TNFRSF21: variants seen among roughly 807,000 people sequenced by gnomAD.
TNFRSF21 encodes the protein TNF receptor superfamily member 21, also known as tumor necrosis factor receptor superfamily member 21.
TNFRSF21 carries 19 observed loss-of-function variants against 45.6 expected under a neutral mutation model. That is an observed-to-expected ratio of 0.42 (90% CI 0.29 to 0.61). TNFRSF21 has a LOEUF of 0.61. Ranked by LOEUF, TNFRSF21 falls within the 20% of genes least tolerant of loss-of-function variation. TNFRSF21 has a pLI of 0.23. For synonymous variants in TNFRSF21, 314 were observed against 335.5 expected, an observed-to-expected ratio of 0.94 and a Z score of 0.70; for missense variants, 737 against 851.5, an observed-to-expected ratio of 0.87 and a Z score of 1.67.
At chr6:47,278,633 A>G (rs1225134059) in intron 3 of TNFRSF21, among the ~76,000 whole-genome samples, 2 of 152,182 alleles carry the variant, frequency 1.3e-5, no homozygotes, top group Non-Finnish European at 2.9e-5. Context: ...CTCTCTAAGA[A>G]CTTAGAAGCT....
chr6:47,277,641 T>C (rs772081178), intron 3 of TNFRSF21, among the ~76,000 whole-genome samples: 2 of 152,220 alleles, frequency 1.3e-5, no homozygotes, highest in Non-Finnish European at 2.9e-5. Context: ...ACGCAGCTGG[T>C]AAGCAAAGGG....
Position 47,309,835 on chromosome 6 carries a change from C to G in TNFRSF21, c.-324G>C, listed in dbSNP as rs1582370272. 1.2e-5 allele frequency: 3 copies of G among 255,862 alleles called. 1 individual carries two copies. The Middle Eastern group carries it at 3.4e-3, about 286-fold the overall frequency. The allele number at this position is 255,862 out of a possible 1,614,324, so 15.8% of individuals were successfully genotyped here. A position where few individuals can be genotyped will look rare whatever the true frequency, so the allele number is the denominator to read the frequency against. ...TGGGCGCGAGAGAGCAAAGGAACGA[C>G]TTCCCATAGCGAAGCTTCCAGCCAC... On this transcript the variant is annotated 5_prime_UTR_variant, in exon 1 of 6. Coordinates refer to ENST00000296861, the MANE Select transcript of TNFRSF21 (RefSeq NM_014452.5).
chr6:47,264,338 G>A (rs1449239994), intron 3 of TNFRSF21, among the ~76,000 whole-genome samples: 1 of 152,136 alleles, frequency 6.6e-6, no homozygotes, highest in Non-Finnish European at 1.5e-5. Flanking sequence ...GACCAGCTTG[G>A]CCGACATGGC....
chr6:47,273,056 T>A (rs894163928), intron 3 of TNFRSF21, among the ~76,000 whole-genome samples: 4 of 152,114 alleles, frequency 2.6e-5, no homozygotes, highest in African/African-American at 4.8e-5. Flanking sequence ...CAGGACCAGA[T>A]GGATTCACAG....
At chr6:47,266,526 TAA>T (rs1464951546) in intron 3 of TNFRSF21, among the ~76,000 whole-genome samples, 1 of 152,198 alleles carries the variant, frequency 6.6e-6, no homozygotes, top group Non-Finnish European at 1.5e-5. Context: ...GTTCAATATA[TAA>T]ATAAATATGC....
intron 3 of TNFRSF21, among the ~76,000 whole-genome samples, chr6:47,273,164 T>A (rs910856956): frequency 3.9e-5 from 6 of 152,248 alleles, no homozygotes; most frequent in African/African-American, 1.4e-4. Context: ...ACTCATTTTA[T>A]GAGGCCAGCA....
intron 3 of TNFRSF21, among the ~76,000 whole-genome samples, chr6:47,278,219 T>C (rs954014121): frequency 2.0e-5 from 3 of 152,196 alleles, no homozygotes; most frequent in African/African-American, 7.2e-5. Context: ...AGAACCCACC[T>C]GAAGGTCTCT....
intron 1 of TNFRSF21, among the ~76,000 whole-genome samples, chr6:47,305,238 C>T (rs1762922457): frequency 6.6e-6 from 1 of 152,148 alleles, no homozygotes; most frequent in Non-Finnish European, 1.5e-5. Context: ...AGATCCAAAT[C>T]CCAATTCATC....
At chr6:47,284,684 C>G (rs759080962) in intron 2 of TNFRSF21, among the ~76,000 whole-genome samples, 3 of 152,224 alleles carry the variant, frequency 2.0e-5, no homozygotes, top group Admixed American at 6.5e-5. Flanking sequence ...AAGGATCCAA[C>G]AGCTGAGCTT....
At chr6:47,266,095 G>A (rs776773656) in intron 3 of TNFRSF21, among the ~76,000 whole-genome samples, 1 of 152,122 alleles carries the variant, frequency 6.6e-6, no homozygotes, top group Non-Finnish European at 1.5e-5. Context: ...CTTTGTATAA[G>A]AAACATGCAA....
At chr6:47,236,911 A>G (rs1764671159) in intron 4 of TNFRSF21, among the ~76,000 whole-genome samples, 1 of 152,176 alleles carries the variant, frequency 6.6e-6, no homozygotes, top group Admixed American at 6.5e-5. Context: ...CACAAATCAC[A>G]TGCCAATGAG....
chr6:47,263,555 G>A (rs999371190), intron 3 of TNFRSF21, among the ~76,000 whole-genome samples: 2 of 152,162 alleles, frequency 1.3e-5, no homozygotes, highest in African/African-American at 4.8e-5. Context: ...CCAAGATGGA[G>A]GAGGAAAACC....
intron 1 of TNFRSF21, among the ~76,000 whole-genome samples, chr6:47,306,658 T>C (rs752416487): frequency 6.6e-6 from 1 of 152,210 alleles, no homozygotes; most frequent in Non-Finnish European, 1.5e-5. Flanking sequence ...ATTGTGTACC[T>C]ATATATTTGT....
At chr6:47,237,083 CAAT>C (rs1034470601) in intron 4 of TNFRSF21, among the ~76,000 whole-genome samples, 66 of 152,246 alleles carry the variant, frequency 4.3e-4, no homozygotes, top group African/African-American at 1.5e-3. Context: ...CTGTAATTAA[CAAT>C]GAGTCAGGTG....
intron 5 of TNFRSF21, 88 bp downstream of exon 5, chr6:47,234,580 TAC>T: frequency 9.5e-7 from 1 of 1,055,998 alleles, no homozygotes; most frequent in African/African-American, 1.6e-5. Context: ...AACTCTCAGC[TAC>T]AACTGGACTG....
intron 3 of TNFRSF21, among the ~76,000 whole-genome samples, chr6:47,255,409 A>G (rs1764970967): frequency 6.6e-6 from 1 of 150,876 alleles, no homozygotes; most frequent in Non-Finnish European, 1.5e-5. Flanking sequence ...GGGCCCTGGT[A>G]TTTTACTACA....
chr6:47,235,285 C>A (rs2113841965), intron 4 of TNFRSF21, among the ~76,000 whole-genome samples: 1 of 152,184 alleles, frequency 6.6e-6, no homozygotes, highest in Admixed American at 6.5e-5. Flanking sequence ...AAGCCCTGAC[C>A]CCCAGTACTT....
At chr6:47,296,255 C>G (rs1483800500) in intron 1 of TNFRSF21, among the ~76,000 whole-genome samples, 1 of 152,132 alleles carries the variant, frequency 6.6e-6, no homozygotes, top group African/African-American at 2.4e-5. Flanking sequence ...ATGACTCTGG[C>G]CAGTGCAGCA....
intron 4 of TNFRSF21, among the ~76,000 whole-genome samples, chr6:47,240,049 T>C (rs1201426728): frequency 5.9e-5 from 9 of 152,208 alleles, no homozygotes; most frequent in Admixed American, 5.2e-4. Context: ...GAAGCATTAA[T>C]TGCCCAGCCT....
Sources: gnomAD v4.1 joint callset for allele counts (sites outside exome capture counted in the v4.1 genomes callset) on GRCh38, gnomAD v4.1.1 for gene constraint, MANE v1.5 for transcripts, NCBI Gene and HGNC (gene_info 2026-07-23, HGNC 2026-07-21) for gene names.